APP: variants seen among roughly 807,000 people sequenced by gnomAD.
APP encodes the protein amyloid-beta precursor protein.
Under a neutral mutation model 101.4 loss-of-function variants are expected in APP, and 31 were observed. The observed-to-expected ratio is 0.31, with a 90% confidence interval of 0.23 to 0.41. The LOEUF (loss-of-function observed/expected upper bound fraction) is 0.41. Ranked by LOEUF, APP falls within the 10% of genes least tolerant of loss-of-function variation. The pLI is 1.00. For missense variants in APP, 839 were observed against 1,003.7 expected (o/e 0.84, Z 2.22); for synonymous variants, 366 against 364.4 (o/e 1.00, Z -0.05).
At chr21:26,111,205 A>T (rs2062314464) in intron 2 of APP, among the ~76,000 whole-genome samples, 1 of 152,078 alleles carries the variant, frequency 6.6e-6, no homozygotes, top group Admixed American at 6.5e-5. Flanking sequence ...AACAATGAAA[A>T]TGTTTATCAA....
At chr21:25,897,805 TTAAAGAAAAA>T in intron 15 of APP, 132 bp from the exon 16 acceptor site, 1 of 738,660 alleles carries the variant, frequency 1.4e-6, no homozygotes, top group Non-Finnish European at 2.4e-6. Context: ...TAAATGACTC[TTAAAGAAAAA>T]TGATACCCTA....
intron 1 of APP, among the ~76,000 whole-genome samples, chr21:26,131,161 G>A (rs921634804): frequency 4.6e-5 from 7 of 152,120 alleles, no homozygotes; most frequent in South Asian, 2.1e-4. Flanking sequence ...CCCAGGAGGC[G>A]GAGGTTGCGG....
At chr21:26,015,300 TG>T (rs1457600228) in intron 6 of APP, among the ~76,000 whole-genome samples, 1 of 152,222 alleles carries the variant, frequency 6.6e-6, no homozygotes, top group Non-Finnish European at 1.5e-5. Context: ...TAAGGTTAAT[TG>T]AGCAGTTACT....
chr21:25,967,371 C>G (rs1272959580), intron 11 of APP, among the ~76,000 whole-genome samples: 2 of 152,202 alleles, frequency 1.3e-5, no homozygotes, highest in African/African-American at 4.8e-5. Context: ...TTTCCTAATT[C>G]TCACTTCCCT....
chr21:26,048,309 C>T (rs188507347), intron 5 of APP, among the ~76,000 whole-genome samples: 12 of 151,742 alleles, frequency 7.9e-5, no homozygotes, highest in Middle Eastern at 6.8e-3. Flanking sequence ...GGTGACAGAG[C>T]GAGACTCCAT....
intron 17 of APP, among the ~76,000 whole-genome samples, chr21:25,890,661 C>T (rs577237859): frequency 2.8e-5 from 4 of 144,082 alleles, no homozygotes; most frequent in African/African-American, 1.0e-4. Flanking sequence ...ATTGCTTGAA[C>T]CCAGGAGGCA....
At position 26,053,257 on chromosome 21, in the gene APP, G is replaced by C; in HGVS notation, c.447C>G (p.His149Gln). The C allele has an allele frequency of 1.2e-6, 2 of 1,613,480 alleles. No individual in the cohort carries two copies. The highest frequency in any genetic ancestry group is 1.7e-6 in the Non-Finnish European group (2 of 1,179,450). Reference sequence around the variant, plus strand: ...GTACCTCTTTGGCGACGGTGTGCCAGTGAAGATGAGTTTCGCAAACATCCA... The same window carrying C: ...GTACCTCTTTGGCGACGGTGTGCCACTGAAGATGAGTTTCGCAAACATCCA... ...ERMDVCETHL[H>Q]WHTVAKETCS... Residue 149 changes from histidine to glutamine, a missense_variant, in exon 4 of 18, where the codon CAC becomes CAG. Physicochemically the swap from His to Gln is conservative, Grantham distance 24 (BLOSUM62 0). Transcript: ENST00000346798.
chr21:26,013,012 A>C (rs2146735754), intron 6 of APP, among the ~76,000 whole-genome samples: 1 of 96,766 alleles, frequency 1.0e-5, no homozygotes, highest in East Asian at 2.9e-4. Context: ...ACAAAACAAA[A>C]CAAACAAACA....
At chr21:26,056,224 G>A (rs1165934584) in intron 3 of APP, among the ~76,000 whole-genome samples, 1 of 152,094 alleles carries the variant, frequency 6.6e-6, no homozygotes, top group Non-Finnish European at 1.5e-5. Context: ...TTTTTGCAGA[G>A]ACAGGGTCTA....
At chr21:26,032,039 A>G (rs2044852831) in intron 5 of APP, among the ~76,000 whole-genome samples, 1 of 152,018 alleles carries the variant, frequency 6.6e-6, no homozygotes, top group African/African-American at 2.4e-5. Context: ...AGTAAGTAGA[A>G]AAGTACTTTA....
chr21:26,085,231 AG>A (rs1205879675), intron 3 of APP, among the ~76,000 whole-genome samples: 1 of 152,256 alleles, frequency 6.6e-6, no homozygotes. Flanking sequence ...TGTCTCTCCA[AG>A]GATGGCTGAT....
intron 3 of APP, among the ~76,000 whole-genome samples, chr21:26,054,408 A>G (rs1849320761): frequency 6.6e-6 from 1 of 152,138 alleles, no homozygotes; most frequent in African/African-American, 2.4e-5. Flanking sequence ...ATGGGTAGCA[A>G]AAGACCCTTC....
intron 1 of APP, chr21:26,140,053 G>A (rs992511983): frequency 4.1e-6 from 4 of 970,920 alleles, no homozygotes; most frequent in South Asian, 1.5e-5. Flanking sequence ...GTCACAATAA[G>A]TAACATTGTA....
intron 1 of APP, among the ~76,000 whole-genome samples, chr21:26,156,463 G>A (rs911263687): frequency 6.6e-6 from 1 of 152,110 alleles, no homozygotes; most frequent in Non-Finnish European, 1.5e-5. Context: ...TTCTCACAAC[G>A]TATTCTTGGA....
chr21:26,080,774 A>C (rs1049629880), intron 3 of APP, among the ~76,000 whole-genome samples: 2 of 151,776 alleles, frequency 1.3e-5, no homozygotes, highest in Non-Finnish European at 2.9e-5. Flanking sequence ...TATCTCAAAA[A>C]AAAAAAAAAA....
At chr21:26,169,965 C>G (rs1399521130) in intron 1 of APP, among the ~76,000 whole-genome samples, 1 of 152,124 alleles carries the variant, frequency 6.6e-6, no homozygotes, top group Non-Finnish European at 1.5e-5. Context: ...TAGGGTCGCA[C>G]CCAGGCTGCC....
In APP at chr21:26,000,298, A is replaced by G. The variant is rs537520987; in HGVS notation, c.866-116T>C. On this transcript the variant is annotated intron_variant, in intron 6 of 17. Transcript: ENST00000346798. ...CAGTGGCAACCTGGACTGGTTTATT[A>G]GGCAGCATCTACCAAACATTTACTG... The G allele has an allele frequency of 1.4e-5, 18 of 1,292,070 alleles. No homozygotes were observed. In the African/African-American group the frequency reaches 2.5e-4, roughly 18 times the overall value. 80.0% of individuals were successfully genotyped at this position (1,292,070 alleles called of 1,614,324 possible).
chr21:25,882,293 G>A (rs184831203), intron 17 of APP, among the ~76,000 whole-genome samples: 1 of 150,868 alleles, frequency 6.6e-6, no homozygotes, highest in Non-Finnish European at 1.5e-5. Flanking sequence ...CAAATTTTAT[G>A]TTTGTTAAAA....
At chr21:26,010,115 C>G (rs1298452530) in intron 6 of APP, among the ~76,000 whole-genome samples, 5 of 151,876 alleles carry the variant, frequency 3.3e-5, no homozygotes, top group Non-Finnish European at 7.4e-5. Flanking sequence ...CCTACAGATT[C>G]CAGCTGGGAA....
Sources: gnomAD v4.1 joint callset for allele counts (sites outside exome capture counted in the v4.1 genomes callset) on GRCh38, gnomAD v4.1.1 for gene constraint, MANE v1.5 for transcripts, NCBI Gene and HGNC (gene_info 2026-07-23, HGNC 2026-07-21) for gene names.